C10orf143: variants seen among roughly 807,000 people sequenced by gnomAD.
C10orf143 encodes uncharacterized protein C10orf143.
At chr10:130,093,905 G>A (rs1327397165) in intron 1 of C10orf143, among the ~76,000 whole-genome samples, 1 of 151,802 alleles carries the variant, frequency 6.6e-6, no homozygotes, top group Non-Finnish European at 1.5e-5. Context: ...AGCTACTCAG[G>A]AGGCTGAGGC....
At chr10:130,060,822 CAAAAA>C (rs11312813), downstream of C10orf143, among the ~76,000 whole-genome samples, 1 of 53,362 alleles carries the variant, frequency 1.9e-5, no homozygotes. Flanking sequence ...GACTCCGTCT[CAAAAA>C]AAAAAAAAAA....
chr10:130,073,619 G>GT (rs142150629), intron 3 of C10orf143, among the ~76,000 whole-genome samples: 23,785 of 149,656 alleles, frequency 0.16, 2,424 homozygotes, highest in Non-Finnish European at 0.22. Context: ...TCAGCTGTGT[G>GT]TTTTTTTTTT....
chr10:130,110,248 G>C (rs962952497), intron 1 of C10orf143, among the ~76,000 whole-genome samples: 5 of 152,162 alleles, frequency 3.3e-5, no homozygotes, highest in Admixed American at 3.3e-4. Flanking sequence ...GTAATTTTCT[G>C]CGCGTGTTCG....
intron 3 of C10orf143, among the ~76,000 whole-genome samples, chr10:130,055,761 T>C (rs1000283154): frequency 3.3e-5 from 5 of 151,408 alleles, no homozygotes; most frequent in African/African-American, 1.2e-4. Flanking sequence ...CTGGCCAACA[T>C]GGTGAAACCC....
At chr10:130,094,176 GA>G (rs1463787915) in intron 1 of C10orf143, among the ~76,000 whole-genome samples, 1 of 152,012 alleles carries the variant, frequency 6.6e-6, no homozygotes, top group African/African-American at 2.4e-5. Flanking sequence ...ACTAAACCAG[GA>G]AGAAGTCAAA....
downstream of C10orf143, among the ~76,000 whole-genome samples, chr10:130,061,126 G>GGAC (rs1771889440): frequency 6.6e-6 from 1 of 152,124 alleles, no homozygotes; most frequent in South Asian, 2.1e-4. Context: ...AACAGGAGTG[G>GGAC]GACCTTGTCT....
At chr10:130,050,812 A>G (rs1300992749) in intron 3 of C10orf143, among the ~76,000 whole-genome samples, 1 of 152,192 alleles carries the variant, frequency 6.6e-6, no homozygotes. Context: ...CGGGATGTAA[A>G]CCCTGGCGCC....
intron 1 of C10orf143, among the ~76,000 whole-genome samples, chr10:130,101,543 T>C (rs1861550807): frequency 6.6e-6 from 1 of 151,968 alleles, no homozygotes; most frequent in Non-Finnish European, 1.5e-5. Context: ...CCACACACAG[T>C]GGAAATATCT....
At chr10:130,097,944 G>A (rs1219331224) in intron 1 of C10orf143, among the ~76,000 whole-genome samples, 1 of 151,758 alleles carries the variant, frequency 6.6e-6, no homozygotes, top group Non-Finnish European at 1.5e-5. Context: ...TTTTTCTGAA[G>A]TGAAGAGAAT....
chr10:130,105,681 G>A (rs1265790426), intron 1 of C10orf143, among the ~76,000 whole-genome samples: 5 of 152,140 alleles, frequency 3.3e-5, no homozygotes, highest in Admixed American at 6.6e-5. Context: ...AGTGAGCCAA[G>A]ATTATGCCAC....
chr10:130,101,751 T>G (rs1861554101), intron 1 of C10orf143, among the ~76,000 whole-genome samples: 1 of 146,484 alleles, frequency 6.8e-6, no homozygotes, highest in Admixed American at 7.2e-5. Context: ...TCCCAGCTAC[T>G]TGGGAGGCTG....
Position 130,090,792 on chromosome 10 carries a change from A to G in C10orf143, c.70-10891T>C, listed in dbSNP as rs1388632275. Reference sequence around the variant, plus strand: ...CGGTTTTCCCCTCACAGTGTAAACAAAGCCTCCAGGAAGTTCGAACTGGGT... The same window carrying G: ...CGGTTTTCCCCTCACAGTGTAAACAGAGCCTCCAGGAAGTTCGAACTGGGT... On this transcript the variant is annotated intron_variant, in intron 1 of 3. Coordinates refer to ENST00000637128, the MANE Select transcript of C10orf143 (RefSeq NM_001355042.2). Among the ~76,000 whole-genome samples the G allele has an allele frequency of 2.6e-5, 4 of 152,292 alleles. No homozygotes were observed. In the East Asian group the frequency reaches 7.7e-4, roughly 29 times the overall value.
At chr10:130,076,792 C>A (rs190816443) in intron 3 of C10orf143, among the ~76,000 whole-genome samples, 1 of 152,120 alleles carries the variant, frequency 6.6e-6, no homozygotes, top group Non-Finnish European at 1.5e-5. Context: ...GCAAGCCGCG[C>A]GATCCGGGAA....
At chr10:130,101,860 AAAACC>A (rs1198596194) in intron 1 of C10orf143, among the ~76,000 whole-genome samples, 5,314 of 43,398 alleles carry the variant, frequency 0.12, 1,464 homozygotes, top group East Asian at 0.32. Context: ...AAAAAAAAAA[AAAACC>A]AAAAAAAAAA....
chr10:130,076,284 G>A (rs972748212), intron 3 of C10orf143, among the ~76,000 whole-genome samples: 2 of 152,208 alleles, frequency 1.3e-5, no homozygotes, highest in African/African-American at 4.8e-5. Flanking sequence ...GCTAGAGAGA[G>A]AGAGAAATGC....
At chr10:130,083,167 A>G (rs142176685) in intron 1 of C10orf143, among the ~76,000 whole-genome samples, 2 of 152,210 alleles carry the variant, frequency 1.3e-5, no homozygotes, top group South Asian at 2.1e-4. Context: ...GTCCTCAAAC[A>G]TGAAAAAAAG....
chr10:130,037,439 G>A (rs1426710710), intron 3 of C10orf143, among the ~76,000 whole-genome samples: 4 of 152,216 alleles, frequency 2.6e-5, no homozygotes. Flanking sequence ...AGCCCTGCCT[G>A]CTGTGGGTGG....
intron 1 of C10orf143, among the ~76,000 whole-genome samples, chr10:130,085,940 T>C (rs1369846082): frequency 2.0e-5 from 3 of 152,208 alleles, no homozygotes; most frequent in African/African-American, 7.2e-5. Flanking sequence ...TTCAGATATT[T>C]GATGATCATT....
intron 3 of C10orf143, among the ~76,000 whole-genome samples, chr10:130,047,857 C>T (rs889635651): frequency 1.1e-4 from 14 of 128,744 alleles, no homozygotes; most frequent in Non-Finnish European, 1.9e-4. Flanking sequence ...TTTTTTTTTT[C>T]GGATTTATCA....
Sources: allele counts gnomAD v4.1 joint callset (sites outside exome capture counted in the v4.1 genomes callset), GRCh38; gene constraint gnomAD v4.1.1; transcripts MANE v1.5; gene names NCBI Gene and HGNC (gene_info 2026-07-23, HGNC 2026-07-21).